FBXO34: variants seen among roughly 807,000 people sequenced by gnomAD.
FBXO34 encodes F-box only protein 34.
FBXO34 carries 12 observed loss-of-function variants against 24.5 expected under a neutral mutation model. The observed-to-expected ratio is 0.49, with a 90% confidence interval of 0.31 to 0.79. The LOEUF (loss-of-function observed/expected upper bound fraction) is 0.79. Ranked by LOEUF, FBXO34 falls within the 30% of genes least tolerant of loss-of-function variation. FBXO34 has a pLI of 0.04. For missense variants in FBXO34, 823 were observed against 857.7 expected (o/e 0.96, Z 0.51); for synonymous variants, 320 against 311.9 (o/e 1.03, Z -0.27).
the FBXO34 span, chr14:55,440,695 G>T: frequency 1.1e-6 from 1 of 870,134 alleles, no homozygotes. Context: ...GGCTAGGGGT[G>T]GGCCGGAGAG....
At chr14:55,315,867 T>C (rs1025240944) in intron 1 of FBXO34, among the ~76,000 whole-genome samples, 2 of 152,210 alleles carry the variant, frequency 1.3e-5, no homozygotes, top group Non-Finnish European at 2.9e-5. Flanking sequence ...TGAGTAATTA[T>C]GAACCCCTGC....
intron 1 of FBXO34, among the ~76,000 whole-genome samples, chr14:55,317,687 T>G (rs1158890489): frequency 6.6e-6 from 1 of 152,182 alleles, no homozygotes; most frequent in Non-Finnish European, 1.5e-5. Context: ...GGTAAGATAT[T>G]TATACCGCAG....
intron 1 of FBXO34, among the ~76,000 whole-genome samples, chr14:55,332,001 T>G (rs1362016573): frequency 7.8e-6 from 1 of 128,240 alleles, no homozygotes; most frequent in Non-Finnish European, 1.7e-5. Flanking sequence ...ACCACCGTGG[T>G]GTATATATAA....
the FBXO34 span, among the ~76,000 whole-genome samples, chr14:55,393,147 C>T: frequency 1.3e-5 from 2 of 152,006 alleles, no homozygotes; most frequent in African/African-American, 2.4e-5. Context: ...TTTGGGAGGC[C>T]AAGGTGGGCG....
the FBXO34 span, among the ~76,000 whole-genome samples, chr14:55,415,175 CTTATAT>C: frequency 2.1e-4 from 32 of 152,120 alleles, no homozygotes; most frequent in African/African-American, 6.3e-4. Flanking sequence ...ACTTGTACTA[CTTATAT>C]TTATATGGAG....
downstream of FBXO34, among the ~76,000 whole-genome samples, chr14:55,356,315 G>A (rs554097669): frequency 6.6e-6 from 1 of 152,318 alleles, no homozygotes; most frequent in African/African-American, 2.4e-5. Flanking sequence ...CACACTGCGA[G>A]CCCTTCTTTT....
chr14:55,298,020 A>G (rs571270550), intron 1 of FBXO34, among the ~76,000 whole-genome samples: 15 of 152,206 alleles, frequency 9.9e-5, no homozygotes, highest in Non-Finnish European at 1.8e-4. Context: ...TCTTTTCTCA[A>G]AACACTTTTT....
At chr14:55,312,731 G>A (rs1882790303) in intron 1 of FBXO34, among the ~76,000 whole-genome samples, 1 of 152,246 alleles carries the variant, frequency 6.6e-6, no homozygotes, top group South Asian at 2.1e-4. Flanking sequence ...GCTGTACGTT[G>A]CTCCATTTTC....
intron 1 of FBXO34, among the ~76,000 whole-genome samples, chr14:55,275,972 A>G (rs1881329284): frequency 9.5e-6 from 1 of 104,892 alleles, no homozygotes; most frequent in Non-Finnish European, 1.8e-5. Context: ...AAGGGCCTAG[A>G]TAACCACAGA....
rs767666103 is a variant in FBXO34 at position 55,351,576 on chromosome 14, G to A, written c.1186G>A (p.Ala396Thr). Residue 396 changes from alanine to threonine, a missense_variant, in exon 2 of 2, where the codon GCC becomes ACC. By Grantham distance (58) the Ala-to-Thr change is moderately conservative (BLOSUM62 0). Transcript: ENST00000313833. ...AGAGTTAGAGCCGGGTTCGCAAACT[G>A]CCGTGAAAAACAGCAACAGATATGA... ...SAELEPGSQT[A>T]VKNSNRYDVE... 1 of 1,614,186 alleles carries A rather than the reference G, an allele frequency of 6.2e-7. No homozygotes were observed. The highest frequency in any genetic ancestry group is 1.1e-5 in the South Asian group (1 of 91,080).
At chr14:55,419,665 G>A in the FBXO34 span, among the ~76,000 whole-genome samples, 2 of 152,158 alleles carry the variant, frequency 1.3e-5, no homozygotes, top group Non-Finnish European at 2.9e-5. Flanking sequence ...TAGACATGGT[G>A]GCTGTAGCTG....
chr14:55,424,463 T>C, the FBXO34 span, among the ~76,000 whole-genome samples: 1 of 152,212 alleles, frequency 6.6e-6, no homozygotes, highest in Non-Finnish European at 1.5e-5. Flanking sequence ...TTTTGGGTCA[T>C]AACACAAGTG....
chr14:55,324,768 A>G (rs1362942211), intron 1 of FBXO34, among the ~76,000 whole-genome samples: 1 of 152,194 alleles, frequency 6.6e-6, no homozygotes, highest in Non-Finnish European at 1.5e-5. Flanking sequence ...CTAGTTTGCT[A>G]AGAATTTTTA....
chr14:55,413,520 A>G, the FBXO34 span: 1 of 302,634 alleles, frequency 3.3e-6, no homozygotes, highest in Middle Eastern at 8.5e-4. Context: ...AATGAAGAGA[A>G]ACATTTGTAC....
the FBXO34 span, among the ~76,000 whole-genome samples, chr14:55,393,372 G>C: frequency 2.0e-5 from 3 of 151,488 alleles, no homozygotes; most frequent in Admixed American, 6.6e-5. Context: ...GTGACAGAGC[G>C]AGACTCTGTC....
In FBXO34 at chr14:55,343,528, C is replaced by T. The variant is rs147399928; in HGVS notation, c.-10-6853C>T. ...CCTCCCAAAGTGCTGGGATTACTAG[C>T]GTGAGCCATGCCCCCAGCCATTATT... On this transcript the variant is annotated intron_variant, in intron 1 of 1. Transcript: ENST00000313833. Among the ~76,000 whole-genome samples, 72 of 152,258 alleles carry T rather than the reference C, an allele frequency of 4.7e-4. 1 individual carries two copies. In the Middle Eastern group the frequency reaches 0.014, roughly 29 times the overall value.
At chr14:55,395,905 A>T in the FBXO34 span, 1 of 1,459,988 alleles carries the variant, frequency 6.8e-7, no homozygotes, top group Non-Finnish European at 9.1e-7. Flanking sequence ...AAAAACATGT[A>T]GCCTCAAGTA....
chr14:55,422,455 T>C, the FBXO34 span, among the ~76,000 whole-genome samples: 1 of 152,184 alleles, frequency 6.6e-6, no homozygotes, highest in Admixed American at 6.5e-5. Flanking sequence ...TTCACCATGT[T>C]GGCCAGGCTC....
At chr14:55,402,966 T>TATATATATAAATAA in the FBXO34 span, among the ~76,000 whole-genome samples, 4 of 59,080 alleles carry the variant, frequency 6.8e-5, no homozygotes, top group Non-Finnish European at 9.9e-5. Flanking sequence ...TATATATATA[T>TATATATATAAATAA]ATAAATAGCT....
Sources: allele counts gnomAD v4.1 joint callset (sites outside exome capture counted in the v4.1 genomes callset), GRCh38; gene constraint gnomAD v4.1.1; transcripts MANE v1.5; gene names NCBI Gene and HGNC (gene_info 2026-07-23, HGNC 2026-07-21).